JAK1: variants seen among roughly 807,000 people sequenced by gnomAD.
The protein encoded by JAK1 is Janus kinase 1.
A neutral mutation model predicts 136.6 loss-of-function variants in JAK1; 16 were observed. That is an observed-to-expected ratio of 0.12 (90% confidence interval 0.08 to 0.18). The LOEUF is 0.18. JAK1 is among the 10% of genes least tolerant of loss of function. JAK1 has a pLI of 1.00. For missense variants in JAK1, 859 were observed against 1,450.1 expected (o/e 0.59, Z 6.62); for synonymous variants, 492 against 519.5 (o/e 0.95, Z 0.72).
intron 1 of JAK1, among the ~76,000 whole-genome samples, chr1:64,913,910 A>C (rs1214481203): frequency 6.6e-6 from 1 of 152,204 alleles, no homozygotes; most frequent in African/African-American, 2.4e-5. Flanking sequence ...TAAGAGCACA[A>C]GTTTGAGAGC....
intron 1 of JAK1, among the ~76,000 whole-genome samples, chr1:64,891,750 G>A (rs748005622): frequency 2.6e-5 from 4 of 152,204 alleles, no homozygotes; most frequent in Non-Finnish European, 5.9e-5. Flanking sequence ...CAGCCAAAAG[G>A]ACGACATCAT....
chr1:64,931,861 C>T (rs1039131487), intron 1 of JAK1, among the ~76,000 whole-genome samples: 2 of 151,640 alleles, frequency 1.3e-5, no homozygotes, highest in Non-Finnish European at 1.5e-5. Flanking sequence ...AGCTATACAG[C>T]TATTAATCCT....
chr1:64,843,096 C>T (rs1337418169), intron 17 of JAK1, among the ~76,000 whole-genome samples: 4 of 152,124 alleles, frequency 2.6e-5, no homozygotes, highest in African/African-American at 9.7e-5. Flanking sequence ...TTGTCCCATG[C>T]CACCCCCAGT....
At chr1:65,010,303 C>A (rs780118539) in intron 2 of JAK1, among the ~76,000 whole-genome samples, 1 of 152,162 alleles carries the variant, frequency 6.6e-6, no homozygotes, top group Non-Finnish European at 1.5e-5. Context: ...CTCTCTCGCA[C>A]GCTCATTCTC....
intron 2 of JAK1, among the ~76,000 whole-genome samples, chr1:65,033,790 A>G (rs1647046555): frequency 6.6e-6 from 1 of 151,898 alleles, no homozygotes; most frequent in African/African-American, 2.4e-5. Flanking sequence ...GTATAGGTAG[A>G]CAGAGTAAGA....
chr1:64,923,378 T>A (rs902644560), intron 1 of JAK1, among the ~76,000 whole-genome samples: 1 of 152,204 alleles, frequency 6.6e-6, no homozygotes, highest in Non-Finnish European at 1.5e-5. Context: ...CCACAAGTGA[T>A]TACACAATGC....
At chr1:64,951,427 T>C (rs892568957) in intron 1 of JAK1, among the ~76,000 whole-genome samples, 8 of 152,128 alleles carry the variant, frequency 5.3e-5, no homozygotes, top group East Asian at 1.9e-4. Context: ...GAGGACTAAA[T>C]AAGTCTCTTC....
At chr1:64,836,361 T>C (rs980988867) in intron 22 of JAK1, 146 bp from the exon 23 acceptor site, 10 of 645,508 alleles carry the variant, frequency 1.5e-5, no homozygotes, top group African/African-American at 3.7e-5. Flanking sequence ...ACACATACCA[T>C]GTATACGCTG....
In JAK1 at chr1:64,928,844, G is replaced by A. The variant is rs142378461; in HGVS notation, c.-78+37489C>T. On this transcript the variant is annotated intron_variant, in intron 1 of 24. Coordinates refer to ENST00000342505, the MANE Select transcript of JAK1 (RefSeq NM_002227.4). ...AAAAGTATTCAATTTTATTTTTAAG[G>A]TAATATATTAATGATTTTAGAGATT... Among the ~76,000 whole-genome samples the A allele has an allele frequency of 2.0e-4, 29 of 142,294 alleles. No individual in the cohort carries two copies. The East Asian group carries it at 6.0e-3, about 29-fold the overall frequency. 93.4% of individuals were successfully genotyped at this position (142,294 alleles called of 152,430 possible). A position where few individuals can be genotyped will look rare whatever the true frequency, so the allele number is the denominator to read the frequency against.
At chr1:64,938,966 C>T (rs1645839250) in intron 1 of JAK1, among the ~76,000 whole-genome samples, 1 of 152,054 alleles carries the variant, frequency 6.6e-6, no homozygotes, top group African/African-American at 2.4e-5. Context: ...GAAGATCCAC[C>T]TAGCATTTTT....
At chr1:64,855,410 G>A in intron 11 of JAK1, 99 bp downstream of exon 11, 1 of 1,068,706 alleles carries the variant, frequency 9.4e-7, no homozygotes. Flanking sequence ...ACTGTGGGGA[G>A]GGTCCACTTT....
rs35209394 is a variant in JAK1 at position 64,833,868 on chromosome 1, G to GAATTAATT, written c.*693_*694insAATTAATT. The GAATTAATT allele has an allele frequency of 4.3e-5, 10 of 232,068 alleles. No homozygotes were observed. Among genetic ancestry groups the GAATTAATT allele is most frequent in the South Asian group, 3.6e-4 (2 of 5,518 alleles). 14.4% of individuals were successfully genotyped at this position (232,068 alleles called of 1,614,324 possible). Reference sequence around the variant, plus strand: ...GCACTGGCACAGGCTTAGTTCTTGAGAATTAACATGCAGCAAATTATCTAT... The same window carrying GAATTAATT: ...GCACTGGCACAGGCTTAGTTCTTGAGAATTAATTAATTAACATGCAGCAAATTATCTAT... On this transcript the variant is annotated 3_prime_UTR_variant, in exon 25 of 25. Coordinates refer to ENST00000342505, the MANE Select transcript of JAK1 (RefSeq NM_002227.4).
chr1:64,873,613 G>T, intron 4 of JAK1, 90 bp from the exon 5 acceptor site: 1 of 1,471,146 alleles, frequency 6.8e-7, no homozygotes. Flanking sequence ...GTCAGTGCCG[G>T]AGGCTGAAGT....
In JAK1 at chr1:65,066,370, C is replaced by T. The variant is rs577825993; in HGVS notation, c.-181+1234G>A. ...TAATGTTTCTAATAAAAGAAACAGA[C>T]TCTCATGCCTATATTAAAAAACCAC... On this transcript the variant is annotated intron_variant, in intron 1 of 25. Transcript: ENST00000671954. 6.6e-5 allele frequency among the ~76,000 whole-genome samples: 10 copies of T among 152,312 alleles called. No individual in the cohort carries two copies. The East Asian group carries it at 1.7e-3, about 26-fold the overall frequency.
intron 1 of JAK1, among the ~76,000 whole-genome samples, chr1:64,924,618 T>C (rs1645551385): frequency 1.3e-5 from 2 of 151,786 alleles, no homozygotes; most frequent in African/African-American, 4.9e-5. Context: ...AGGTGCTCAG[T>C]AAGTCTGAGG....
At chr1:64,855,792 A>G in intron 10 of JAK1, 94 bp from the exon 11 acceptor site, 1 of 962,774 alleles carries the variant, frequency 1.0e-6, no homozygotes, top group Non-Finnish European at 1.5e-6. Flanking sequence ...ATGAAGAGTA[A>G]TTTTGCACCA....
chr1:64,922,023 C>A lies in JAK1; in HGVS notation c.-77-35682G>T, dbSNP rs114802381. The stretch of plus-strand genomic sequence containing the variant: ...CATAGGGACTTCAATCTTCTCCCGA[C>A]AGATGGACATTTAGACATTCCATCA... On this transcript the variant is annotated intron_variant, in intron 1 of 24. Transcript: ENST00000342505. 9.0e-4 allele frequency among the ~76,000 whole-genome samples: 137 copies of A among 152,006 alleles called. 1 individual carries two copies. Among genetic ancestry groups the A allele is most frequent in the African/African-American group, 3.2e-3 (134 of 41,472 alleles).
intron 1 of JAK1, among the ~76,000 whole-genome samples, chr1:64,903,971 A>G (rs1645152263): frequency 6.6e-6 from 1 of 152,196 alleles, no homozygotes; most frequent in African/African-American, 2.4e-5. Flanking sequence ...GAGAGCAAAA[A>G]CAAGATCATT....
chr1:64,875,179 G>C (rs1219843661), intron 4 of JAK1, among the ~76,000 whole-genome samples: 4 of 152,242 alleles, frequency 2.6e-5, no homozygotes, highest in East Asian at 1.9e-4. Flanking sequence ...AGGTGCCGAG[G>C]AGACAGGTCG....
Sources: gnomAD v4.1 joint callset for allele counts (sites outside exome capture counted in the v4.1 genomes callset) on GRCh38, gnomAD v4.1.1 for gene constraint, MANE v1.5 for transcripts, NCBI Gene and HGNC (gene_info 2026-07-23, HGNC 2026-07-21) for gene names.